The following PIK3R1 variants were observed in gnomAD, a reference collection of about 807,000 sequenced individuals.
PIK3R1 encodes the protein phosphatidylinositol 3-kinase regulatory subunit alpha.
A neutral mutation model predicts 98.0 loss-of-function variants in PIK3R1; 29 were observed. The observed-to-expected ratio is 0.30, with a 90% CI of 0.22 to 0.40. The LOEUF is 0.40. PIK3R1 is among the 10% of genes least tolerant of loss of function. The pLI, the probability that PIK3R1 is intolerant of heterozygous loss-of-function variation, is 1.00. For synonymous variants in PIK3R1, 282 were observed against 311.8 expected, an observed-to-expected ratio of 0.90 and a Z score of 1.01; for missense variants, 596 against 872.7, an observed-to-expected ratio of 0.68 and a Z score of 3.99.
intron 2 of PIK3R1, among the ~76,000 whole-genome samples, chr5:68,268,753 C>T (rs927794962): frequency 1.3e-5 from 2 of 152,296 alleles, no homozygotes; most frequent in South Asian, 2.1e-4. Flanking sequence ...CAGGCACTAA[C>T]TTCAAAATAT....
Position 68,296,354 on chromosome 5 carries a change from A to C in PIK3R1, c.1985+13A>C, listed in dbSNP as rs1302790132. ...CCTGCTCTGTAGTGTATGTATCTCC[A>C]GCAAACTTTTCTTTACAACATCTCA... On this transcript the variant is annotated intron_variant, in intron 15 of 15. Transcript: ENST00000521381. 1 of 1,590,218 alleles carries C rather than the reference A, an allele frequency of 6.3e-7. No homozygotes were observed. The highest frequency in any genetic ancestry group is 8.6e-7 in the Non-Finnish European group (1 of 1,165,840).
At chr5:68,238,337 C>T (rs6868872) in intron 2 of PIK3R1, among the ~76,000 whole-genome samples, 2,490 of 152,040 alleles carry the variant, frequency 0.016, 70 homozygotes, top group African/African-American at 0.057. Flanking sequence ...AAAACCTAAC[C>T]GAGCCTACTG....
At position 68,258,225 on chromosome 5, in the gene PIK3R1, G is replaced by T. The variant is rs143492872; in HGVS notation, c.335-15165G>T. 7.0e-4 allele frequency among the ~76,000 whole-genome samples: 107 copies of T among 152,276 alleles called. 1 individual carries two copies. In the East Asian group the frequency reaches 0.014, roughly 20 times the overall value. On this transcript the variant is annotated intron_variant, in intron 2 of 15. Transcript: ENST00000521381. ...TCGTGGGGATGCTACCTTTTTAGTA[G>T]GAGTTTGAAGCCCAGAATGCACTTT...
chr5:68,273,843 C>G (rs1746463883), intron 3 of PIK3R1, 96 bp from the exon 4 acceptor site: 1 of 907,660 alleles, frequency 1.1e-6, no homozygotes, highest in Admixed American at 1.7e-5. Context: ...AGAACAGATA[C>G]TGGATGGAAA....
intron 2 of PIK3R1, among the ~76,000 whole-genome samples, chr5:68,258,727 C>T (rs896748058): frequency 2.0e-5 from 3 of 152,108 alleles, no homozygotes; most frequent in Non-Finnish European, 2.9e-5. Flanking sequence ...AGATGGAGAG[C>T]CATCAGATGA....
At chr5:68,248,808 CT>C (rs1489522321) in intron 2 of PIK3R1, among the ~76,000 whole-genome samples, 1 of 152,064 alleles carries the variant, frequency 6.6e-6, no homozygotes. Context: ...AAAATGTAAA[CT>C]GTTACAAAGC....
intron 1 of PIK3R1, among the ~76,000 whole-genome samples, chr5:68,216,171 C>G (rs1312366144): frequency 6.6e-6 from 1 of 152,170 alleles, no homozygotes; most frequent in African/African-American, 2.4e-5. Flanking sequence ...TGTGAGATCC[C>G]CGCCATCCTG....
intron 2 of PIK3R1, among the ~76,000 whole-genome samples, chr5:68,272,657 C>A (rs988774153): frequency 6.6e-6 from 1 of 152,088 alleles, no homozygotes; most frequent in Non-Finnish European, 1.5e-5. Flanking sequence ...GGTTAAAACG[C>A]ATGCAAAAAG....
chr5:68,218,686 G>C (rs1048892152), intron 1 of PIK3R1, among the ~76,000 whole-genome samples: 7 of 152,142 alleles, frequency 4.6e-5, no homozygotes, highest in Non-Finnish European at 8.8e-5. Context: ...CTCACGTCAA[G>C]GCATACACAA....
At chr5:68,244,527 C>CCCCCG (rs70987198) in intron 2 of PIK3R1, among the ~76,000 whole-genome samples, 3 of 43,020 alleles carry the variant, frequency 7.0e-5, no homozygotes, top group Non-Finnish European at 1.0e-4. Context: ...CCCCCCGCCC[C>CCCCCG]CCGCCGCCGC....
intron 2 of PIK3R1, among the ~76,000 whole-genome samples, chr5:68,227,296 A>T (rs1744316007): frequency 6.6e-6 from 1 of 152,174 alleles, no homozygotes; most frequent in Non-Finnish European, 1.5e-5. Flanking sequence ...CATCTACTAT[A>T]TTTCTTATTT....
chr5:68,289,611 C>T (rs79013971), intron 7 of PIK3R1, among the ~76,000 whole-genome samples: 4,087 of 151,266 alleles, frequency 0.027, 150 homozygotes, highest in African/African-American at 0.091. Context: ...GATTGGTTCA[C>T]AATGAGAATG....
intron 2 of PIK3R1, among the ~76,000 whole-genome samples, chr5:68,263,168 T>TATATATATATAC (rs1745965318): frequency 1.4e-5 from 2 of 145,928 alleles, no homozygotes; most frequent in Non-Finnish European, 3.0e-5. Context: ...TATATCTACA[T>TATATATATATAC]ATATATCTAT....
chr5:68,277,224 G>T (rs1746613564), intron 4 of PIK3R1, among the ~76,000 whole-genome samples: 1 of 152,198 alleles, frequency 6.6e-6, no homozygotes, highest in African/African-American at 2.4e-5. Flanking sequence ...GGCCAAGAGT[G>T]GTGACCATAG....
At chr5:68,224,641 T>C (rs1212096787) in intron 1 of PIK3R1, among the ~76,000 whole-genome samples, 2 of 152,236 alleles carry the variant, frequency 1.3e-5, no homozygotes, top group Middle Eastern at 3.2e-3. Context: ...TCTAAAGTGT[T>C]CCACTCTTTA....
At chr5:68,273,165 G>A (rs1746433702) in intron 2 of PIK3R1, among the ~76,000 whole-genome samples, 2 of 152,156 alleles carry the variant, frequency 1.3e-5, no homozygotes, top group African/African-American at 4.8e-5. Context: ...TGGGGGAAAG[G>A]CCATAAGAGG....
intron 2 of PIK3R1, 25 bp downstream of exon 2, chr5:68,227,034 A>G (rs369017744): frequency 6.4e-7 from 1 of 1,554,438 alleles, no homozygotes; most frequent in East Asian, 2.3e-5. Context: ...GTGGTTGCTT[A>G]ATGACTCCCT....
chr5:68,277,247 G>C (rs570770792), intron 4 of PIK3R1, among the ~76,000 whole-genome samples: 36 of 152,302 alleles, frequency 2.4e-4, no homozygotes, highest in African/African-American at 8.2e-4. Flanking sequence ...AATTCCTATA[G>C]CAGCACACAC....
chr5:68,215,782 A>C lies in PIK3R1; in HGVS notation c.-554A>C, dbSNP rs2111909818. On this transcript the variant is annotated 5_prime_UTR_variant, in exon 1 of 16. Transcript: ENST00000521381. The stretch of plus-strand genomic sequence containing the variant: ...TCGCCAGCAGCTGGAGCGGAGTTGG[A>C]GGAAGCAGCGGCAGCGGCGAGGGCG... 6.5e-6 allele frequency: 1 copy of C among 152,692 alleles called. No homozygotes were observed. The highest frequency in any genetic ancestry group is 3.4e-3 in the Middle Eastern group (1 of 294). 9.5% of individuals were successfully genotyped at this position (152,692 alleles called of 1,614,324 possible). A position where few individuals can be genotyped will look rare whatever the true frequency, so the allele number is the denominator to read the frequency against.
Sources: allele counts gnomAD v4.1 joint callset (sites outside exome capture counted in the v4.1 genomes callset), GRCh38; gene constraint gnomAD v4.1.1; transcripts MANE v1.5; gene names NCBI Gene and HGNC (gene_info 2026-07-23, HGNC 2026-07-21).